The following CWC27 variants were observed in gnomAD, a reference collection of about 807,000 sequenced individuals.
CWC27 encodes the protein spliceosome-associated protein CWC27 homolog.
Under a neutral mutation model 63.6 loss-of-function variants are expected in CWC27, and 47 were observed. That is an observed-to-expected ratio of 0.74 (90% confidence interval 0.58 to 0.94). CWC27 has a LOEUF of 0.94. CWC27 is among the 40% of genes least tolerant of loss of function. The pLI is 0.00. For synonymous variants in CWC27, 175 were observed against 179.8 expected (o/e 0.97, Z 0.22); for missense variants, 495 against 554.3 (o/e 0.89, Z 1.07).
chr5:64,938,837 C>T (rs895022900), intron 11 of CWC27, among the ~76,000 whole-genome samples: 1 of 152,108 alleles, frequency 6.6e-6, no homozygotes, highest in Non-Finnish European at 1.5e-5. Context: ...CTTGTCTTCA[C>T]GCTTTATTTC....
chr5:64,838,820 CA>C (rs1287379402), intron 10 of CWC27, among the ~76,000 whole-genome samples: 2 of 152,038 alleles, frequency 1.3e-5, no homozygotes, highest in Non-Finnish European at 2.9e-5. Flanking sequence ...CAAAATTCAC[CA>C]AATTTGTAAA....
At chr5:64,839,907 C>T (rs1445477516) in intron 10 of CWC27, among the ~76,000 whole-genome samples, 1 of 152,014 alleles carries the variant, frequency 6.6e-6, no homozygotes, top group Non-Finnish European at 1.5e-5. Context: ...GAGGAAGCAG[C>T]CAAAGAGGAC....
At chr5:64,894,104 A>G (rs1220380867) in intron 11 of CWC27, among the ~76,000 whole-genome samples, 2 of 151,806 alleles carry the variant, frequency 1.3e-5, no homozygotes, top group African/African-American at 4.8e-5. Flanking sequence ...TATTTTTTGT[A>G]TTTTTAGTAG....
intron 10 of CWC27, among the ~76,000 whole-genome samples, chr5:64,861,247 C>T (rs1746405649): frequency 6.6e-6 from 1 of 151,772 alleles, no homozygotes; most frequent in Non-Finnish European, 1.5e-5. Flanking sequence ...TATCAAGCCT[C>T]TTCTTATTTT....
chr5:64,816,216 G>A (rs1001554984), intron 10 of CWC27, among the ~76,000 whole-genome samples: 1 of 152,072 alleles, frequency 6.6e-6, no homozygotes, highest in Non-Finnish European at 1.5e-5. Flanking sequence ...GAATCTTATT[G>A]GCGTGGCCCA....
At position 64,858,099 on chromosome 5, in the gene CWC27, C is replaced by T. The variant is rs535126488; in HGVS notation, c.939-27344C>T. Among the ~76,000 whole-genome samples the T allele has an allele frequency of 2.3e-3, 253 of 111,816 alleles. 6 individuals carry two copies. The highest frequency in any genetic ancestry group is 4.7e-3 in the Admixed American group (40 of 8,490). The allele number at this position is 111,816 out of a possible 152,430, so 73.4% of individuals were successfully genotyped here. ...CTTGCAGTGAGCCGAGATCGCGCCA[C>T]TGCACTCCAGCCTGGGCGACAGAGC... is the stretch of plus-strand genomic sequence containing the variant. On this transcript the variant is annotated intron_variant, in intron 10 of 13. Coordinates refer to ENST00000381070, the MANE Select transcript of CWC27 (RefSeq NM_005869.4).
intron 13 of CWC27, among the ~76,000 whole-genome samples, chr5:65,014,235 T>C (rs1347360774): frequency 1.4e-5 from 2 of 147,884 alleles, no homozygotes; most frequent in Admixed American, 1.4e-4. Flanking sequence ...CAATATATAA[T>C]AGATTACATA....
At chr5:64,772,220 A>T (rs956959443) in intron 1 of CWC27, among the ~76,000 whole-genome samples, 1 of 152,172 alleles carries the variant, frequency 6.6e-6, no homozygotes, top group Non-Finnish European at 1.5e-5. Flanking sequence ...TGGTTTCTAA[A>T]CCAGTGAGTG....
intron 12 of CWC27, among the ~76,000 whole-genome samples, chr5:64,972,220 C>G (rs886163252): frequency 3.3e-5 from 5 of 152,146 alleles, no homozygotes; most frequent in African/African-American, 4.8e-5. Context: ...AAATTGTACA[C>G]TGTCTGGAAA....
chr5:64,988,286 A>G (rs1749472414), intron 13 of CWC27, among the ~76,000 whole-genome samples: 4 of 152,308 alleles, frequency 2.6e-5, no homozygotes, highest in South Asian at 4.1e-4. Context: ...AGTGCCTGTT[A>G]TCTCAGTATT....
At chr5:64,904,987 G>A (rs944892443) in intron 11 of CWC27, among the ~76,000 whole-genome samples, 10 of 152,182 alleles carry the variant, frequency 6.6e-5, no homozygotes, top group Admixed American at 3.3e-4. Context: ...GATCACCTGA[G>A]GTCAGGAGTT....
chr5:64,891,659 T>G (rs1747240571), intron 11 of CWC27, among the ~76,000 whole-genome samples: 1 of 152,212 alleles, frequency 6.6e-6, no homozygotes, highest in Non-Finnish European at 1.5e-5. Flanking sequence ...CCCTACATTA[T>G]AGGCATATTT....
intron 11 of CWC27, 40 bp from the exon 12 acceptor site, chr5:64,971,663 A>G (rs1749126343): frequency 6.8e-7 from 1 of 1,476,894 alleles, no homozygotes; most frequent in Non-Finnish European, 9.2e-7. Context: ...CCACAGAGCT[A>G]TTTTACTGCT....
At position 64,800,311 on chromosome 5, in the gene CWC27, G is replaced by C. The variant is rs147540109; in HGVS notation, c.733G>C (p.Val245Leu). 24 of 1,609,954 alleles carry C rather than the reference G, an allele frequency of 1.5e-5. No individual in the cohort carries two copies. Among genetic ancestry groups the C allele is most frequent in the South Asian group, 7.7e-5 (7 of 90,584 alleles). Residue 245 changes from valine (V) to leucine (L), a missense_variant, in exon 8 of 14, where the codon GTT becomes CTT. Physicochemically the swap from Val to Leu is conservative, Grantham distance 32. Coordinates refer to ENST00000381070, the MANE Select transcript of CWC27 (RefSeq NM_005869.4). Reference protein sequence around the residue: ...LLKDDPHLSSVPVVESEKGDA... With the variant: ...LLKDDPHLSSLPVVESEKGDA... ...TAAGGATGATCCACATCTCAGTTCT[G>C]TTCCAGTTGTAGAAAGGTTAGTCCA...
At chr5:64,872,082 T>C (rs1746687764) in intron 10 of CWC27, among the ~76,000 whole-genome samples, 1 of 152,020 alleles carries the variant, frequency 6.6e-6, no homozygotes, top group Non-Finnish European at 1.5e-5. Flanking sequence ...TAAGGATAAA[T>C]ATAGGGAGCT....
intron 11 of CWC27, among the ~76,000 whole-genome samples, chr5:64,915,421 G>T (rs1300902223): frequency 6.6e-6 from 1 of 152,202 alleles, no homozygotes; most frequent in Non-Finnish European, 1.5e-5. Context: ...CTTCTGCAAA[G>T]TTGGCAAACA....
chr5:64,845,409 T>C (rs1187936668), intron 10 of CWC27, among the ~76,000 whole-genome samples: 1 of 152,226 alleles, frequency 6.6e-6, no homozygotes, highest in Admixed American at 6.5e-5. Context: ...TTGGAATGAC[T>C]GAGGAAGAAT....
chr5:64,825,729 G>A (rs1003593997), intron 10 of CWC27, among the ~76,000 whole-genome samples: 1 of 152,126 alleles, frequency 6.6e-6, no homozygotes. Context: ...TTGTTAGGAT[G>A]GTTGGTTTTG....
intron 12 of CWC27, among the ~76,000 whole-genome samples, chr5:64,972,967 C>T (rs967948582): frequency 6.6e-6 from 1 of 152,160 alleles, no homozygotes; most frequent in African/African-American, 2.4e-5. Flanking sequence ...AGGGGCCTTA[C>T]ATGGCTTAAG....
Sources: gnomAD v4.1 joint callset for allele counts (sites outside exome capture counted in the v4.1 genomes callset) on GRCh38, gnomAD v4.1.1 for gene constraint, MANE v1.5 for transcripts, NCBI Gene and HGNC (gene_info 2026-07-23, HGNC 2026-07-21) for gene names.